FAM171A1: variants seen among roughly 807,000 people sequenced by gnomAD.
FAM171A1 encodes protein FAM171A1.
A neutral mutation model predicts 74.9 loss-of-function variants in FAM171A1; 23 were observed. The ratio of observed to expected loss-of-function variants is 0.31; its 90% confidence interval spans 0.22 to 0.44. FAM171A1 has a LOEUF of 0.44. Ranked by LOEUF, FAM171A1 falls within the 20% of genes least tolerant of loss-of-function variation. The probability of loss-of-function intolerance (pLI) is 1.00; values close to 1 mark genes in which losing one functional copy is unlikely to be tolerated. For missense variants in FAM171A1, 1,162 were observed against 1,159.2 expected, an observed-to-expected ratio of 1.00 and a Z score of -0.03; for synonymous variants, 527 against 505.7, an observed-to-expected ratio of 1.04 and a Z score of -0.57.
At chr10:15,216,493 C>T (rs1833968578) in intron 6 of FAM171A1, among the ~76,000 whole-genome samples, 1 of 151,650 alleles carries the variant, frequency 6.6e-6, no homozygotes, top group South Asian at 2.1e-4. Context: ...CGCAGTGATA[C>T]AATCATGGCT....
In FAM171A1 at chr10:15,330,431, C is replaced by A. The variant is rs894367255; in HGVS notation, c.97+40525G>T. ...TTGGGAGTCATGGAATAGGTAAATG[C>A]AAGTAGAAGAGAAAAAGCAGATGTG... On this transcript the variant is annotated intron_variant, in intron 1 of 7. Transcript: ENST00000378116. Among the ~76,000 whole-genome samples, 22 of 152,114 alleles carry A rather than the reference C, an allele frequency of 1.4e-4. No homozygotes were observed. The East Asian group carries it at 4.1e-3, about 28-fold the overall frequency.
intron 1 of FAM171A1, among the ~76,000 whole-genome samples, chr10:15,352,235 A>C (rs1835888640): frequency 6.6e-6 from 1 of 151,992 alleles, no homozygotes; most frequent in South Asian, 2.1e-4. Context: ...CAGGACCCTG[A>C]CTCAAAATAA....
chr10:15,311,919 C>T (rs567729738), intron 1 of FAM171A1, among the ~76,000 whole-genome samples: 1 of 152,212 alleles, frequency 6.6e-6, no homozygotes, highest in East Asian at 1.9e-4. Flanking sequence ...AAACTGAAGG[C>T]CTCATCCTAC....
chr10:15,284,243 C>T (rs1200107567), intron 1 of FAM171A1, 138 bp from the exon 2 acceptor site: 1 of 742,618 alleles, frequency 1.3e-6, no homozygotes, highest in Non-Finnish European at 2.2e-6. Context: ...GCAGTTTTTA[C>T]CAGAGACATT....
chr10:15,248,908 A>G, intron 4 of FAM171A1, 93 bp from the exon 5 acceptor site: 1 of 1,186,854 alleles, frequency 8.4e-7, no homozygotes, highest in Non-Finnish European at 1.2e-6. Flanking sequence ...AGCTACCATT[A>G]CCTCCTATAT....
intron 5 of FAM171A1, among the ~76,000 whole-genome samples, chr10:15,246,271 C>G (rs1280656881): frequency 1.3e-5 from 2 of 152,210 alleles, no homozygotes; most frequent in Non-Finnish European, 2.9e-5. Context: ...TTTACTGTGG[C>G]TGGTAAAATC....
chr10:15,221,125 A>G, intron 5 of FAM171A1, 65 bp from the exon 6 acceptor site: 1 of 1,337,206 alleles, frequency 7.5e-7, no homozygotes, highest in East Asian at 2.4e-5. Context: ...GCTTGAGCAT[A>G]TTGTAAAAGT....
intron 1 of FAM171A1, among the ~76,000 whole-genome samples, chr10:15,334,367 G>C (rs56177737): frequency 0.02 from 3,073 of 152,310 alleles, 103 homozygotes; most frequent in African/African-American, 0.07. Flanking sequence ...TGGGAATCAG[G>C]AGATCTGAGG....
intron 5 of FAM171A1, among the ~76,000 whole-genome samples, chr10:15,224,190 T>C (rs890176921): frequency 4.0e-5 from 6 of 151,690 alleles, no homozygotes; most frequent in Admixed American, 6.6e-5. Flanking sequence ...TGGGGAGAGA[T>C]GGGGCAGGGC....
intron 1 of FAM171A1, among the ~76,000 whole-genome samples, chr10:15,368,675 T>G (rs1836095660): frequency 6.6e-6 from 1 of 152,216 alleles, no homozygotes; most frequent in Admixed American, 6.5e-5. Flanking sequence ...GAGCACCAAC[T>G]GTATGCATAA....
At chr10:15,369,696 C>A (rs1255661744) in intron 1 of FAM171A1, among the ~76,000 whole-genome samples, 1 of 152,224 alleles carries the variant, frequency 6.6e-6, no homozygotes, top group Non-Finnish European at 1.5e-5. Flanking sequence ...AGCCTTTCCT[C>A]CCCGTAGCAA....
intron 3 of FAM171A1, among the ~76,000 whole-genome samples, chr10:15,255,280 C>T (rs191103114): frequency 1.3e-5 from 2 of 152,284 alleles, no homozygotes; most frequent in East Asian, 3.9e-4. Flanking sequence ...TTTGATACCG[C>T]TGCAAACCCG....
At chr10:15,245,484 T>C (rs1429395587) in intron 5 of FAM171A1, among the ~76,000 whole-genome samples, 1 of 152,220 alleles carries the variant, frequency 6.6e-6, no homozygotes, top group Non-Finnish European at 1.5e-5. Context: ...AGCCATTCCT[T>C]AAAATCAATC....
At chr10:15,272,586 T>C (rs571969860) in intron 3 of FAM171A1, among the ~76,000 whole-genome samples, 1 of 152,166 alleles carries the variant, frequency 6.6e-6, no homozygotes, top group South Asian at 2.1e-4. Context: ...CAACAGAATA[T>C]ACATTCTTCT....
At chr10:15,355,133 C>A (rs1025470603) in intron 1 of FAM171A1, among the ~76,000 whole-genome samples, 1 of 152,202 alleles carries the variant, frequency 6.6e-6, no homozygotes, top group Non-Finnish European at 1.5e-5. Flanking sequence ...GACATCCAGG[C>A]AAGTGCAGTG....
chr10:15,324,559 G>A (rs1402613535), intron 1 of FAM171A1, among the ~76,000 whole-genome samples: 2 of 152,074 alleles, frequency 1.3e-5, no homozygotes, highest in East Asian at 1.9e-4. Context: ...CTGCAGCCCC[G>A]TGCGCTAGCT....
intron 1 of FAM171A1, among the ~76,000 whole-genome samples, chr10:15,316,327 C>A (rs1479106543): frequency 6.6e-6 from 1 of 152,166 alleles, no homozygotes; most frequent in East Asian, 1.9e-4. Context: ...AGGGGTGGTG[C>A]CCCAGGAGGG....
At chr10:15,334,889 C>T (rs34427964) in intron 1 of FAM171A1, among the ~76,000 whole-genome samples, 11,062 of 152,256 alleles carry the variant, frequency 0.073, 513 homozygotes, top group Middle Eastern at 0.11. Context: ...AGTTCATGAG[C>T]GTGGCTTCCC....
intron 1 of FAM171A1, among the ~76,000 whole-genome samples, chr10:15,302,466 A>C (rs1338763370): frequency 6.6e-6 from 1 of 151,166 alleles, no homozygotes; most frequent in African/African-American, 2.4e-5. Flanking sequence ...ACTCCATCTC[A>C]AAAAAAACAA....
Sources: gnomAD v4.1 joint callset for allele counts (sites outside exome capture counted in the v4.1 genomes callset) on GRCh38, gnomAD v4.1.1 for gene constraint, MANE v1.5 for transcripts, NCBI Gene and HGNC (gene_info 2026-07-23, HGNC 2026-07-21) for gene names.